The following BRCA2 variants were observed in gnomAD, a reference collection of about 807,000 sequenced individuals.
BRCA2 encodes BRCA2 DNA repair associated.
Under a neutral mutation model 276.7 loss-of-function variants are expected in BRCA2, and 203 were observed. The ratio of observed to expected loss-of-function variants is 0.73; its 90% CI spans 0.65 to 0.82. The LOEUF (loss-of-function observed/expected upper bound fraction) is 0.82. Ranked by LOEUF, BRCA2 falls within the 40% of genes least tolerant of loss-of-function variation. The probability of loss-of-function intolerance (pLI) is 0.00; values close to 1 mark genes in which losing one functional copy is unlikely to be tolerated. For synonymous variants in BRCA2, 1,289 were observed against 1,338.4 expected (o/e 0.96, Z 0.81); for missense variants, 3,920 against 3,915.0 (o/e 1.00, Z -0.03).
rs11571595 is a variant in BRCA2 at position 32,321,612 on chromosome 13, G to C, written c.316+2287G>C. ...CTGCAAAGGAGTTAACTTTTTGAAGGCTGTAATACATAAATCTGCTGACTA... is the reference window on the plus strand; with the variant it reads ...CTGCAAAGGAGTTAACTTTTTGAAGCCTGTAATACATAAATCTGCTGACTA... On this transcript the variant is annotated intron_variant, in intron 3 of 26. Coordinates refer to ENST00000380152, the MANE Select transcript of BRCA2 (RefSeq NM_000059.4). Among the ~76,000 whole-genome samples, 895 of 152,246 alleles carry C rather than the reference G, an allele frequency of 5.9e-3. 9 individuals carry two copies. The highest frequency in any genetic ancestry group is 0.021 in the African/African-American group (864 of 41,530).
At chr13:32,351,824 C>T (rs1167893279) in intron 13 of BRCA2, among the ~76,000 whole-genome samples, 3 of 151,636 alleles carry the variant, frequency 2.0e-5, no homozygotes, top group Non-Finnish European at 2.9e-5. Flanking sequence ...TATTTTGATA[C>T]AGAGTCTCAC....
rs769971508 is a variant in BRCA2, at chr13:32,337,196, G to T, written c.2841G>T (p.Leu947Phe). The change falls in exon 11 of 27, where the codon TTG becomes TTT. Residue 947 changes from leucine (L) to phenylalanine (F), a missense_variant. By Grantham distance (22) the Leu-to-Phe change is conservative. Transcript: ENST00000380152. Reference protein sequence around the residue: ...QATQVSIKKDLVYVLAEENKN... With the variant: ...QATQVSIKKDFVYVLAEENKN... The stretch of plus-strand genomic sequence containing the variant: ...CCCAAGTGTCAATTAAAAAAGATTT[G>T]GTTTATGTTCTTGCAGAGGAGAACA... 1 of 1,613,488 alleles carries T rather than the reference G, an allele frequency of 6.2e-7. No individual in the cohort carries two copies. Among genetic ancestry groups the T allele is most frequent in the African/African-American group, 1.3e-5 (1 of 74,892 alleles).
Position 32,325,172 on chromosome 13 carries a change from G to A in BRCA2, c.413G>A (p.Cys138Tyr), listed in dbSNP as rs397507324. The A allele has an allele frequency of 1.9e-6, 3 of 1,583,660 alleles. No homozygotes were observed. The highest frequency in any genetic ancestry group is 1.1e-5 in the South Asian group (1 of 90,342). Reference protein sequence around the residue: ...DDVSCPLLNSCLSESPVVLQC... With the variant: ...DDVSCPLLNSYLSESPVVLQC... ...GTTTCCTGTCCACTTCTAAATTCTT[G>A]TCTTAGTGAAAGGTATGATGAAGCT... The change falls in exon 4 of 27, where the codon TGT (cysteine) becomes TAT (tyrosine). Residue 138 changes from cysteine to tyrosine, a missense_variant. Physicochemically the swap from Cys to Tyr is radical, Grantham distance 194. Coordinates refer to ENST00000380152, the MANE Select transcript of BRCA2 (RefSeq NM_000059.4).
In BRCA2 at chr13:32,399,302, A is replaced by G. The variant is rs11571836; in HGVS notation, c.*532A>G. 39,604 of 196,350 alleles carry G rather than the reference A, an allele frequency of 0.2. 4,599 individuals are homozygous for G. The highest frequency in any genetic ancestry group is 0.43 in the East Asian group (5,330 of 12,326). 12.2% of individuals were successfully genotyped at this position (196,350 alleles called of 1,614,324 possible). ...TATTTTGATGCAGATAATTCCTTTT[A>G]GTTTAGCTACTATTTTAGGGGATTT... On this transcript the variant is annotated 3_prime_UTR_variant, in exon 27 of 27. Transcript: ENST00000380152.
chr13:32,368,258 G>A (rs1002025523), intron 18 of BRCA2, among the ~76,000 whole-genome samples: 1 of 151,806 alleles, frequency 6.6e-6, no homozygotes, highest in African/African-American at 2.4e-5. Context: ...CTGACCTCGT[G>A]ATCTGCCCGC....
At chr13:32,382,866 A>T (rs760435866) in intron 24 of BRCA2, among the ~76,000 whole-genome samples, 2 of 152,226 alleles carry the variant, frequency 1.3e-5, no homozygotes, top group Non-Finnish European at 2.9e-5. Flanking sequence ...ACTGTGTGGT[A>T]TGGTATCTAG....
At chr13:32,353,626 A>T (rs1345206837) in intron 13 of BRCA2, among the ~76,000 whole-genome samples, 1 of 152,186 alleles carries the variant, frequency 6.6e-6, no homozygotes, top group Non-Finnish European at 1.5e-5. Flanking sequence ...CCACTGAAAT[A>T]TACATGCAAA....
chr13:32,394,798 A>G lies in BRCA2; in HGVS notation c.9366A>G (p.Ala3122=), dbSNP rs1293330351. Residue 3122 remains alanine, a synonymous_variant, in exon 25 of 27, where the codon GCA becomes GCG. Coordinates refer to ENST00000380152, the MANE Select transcript of BRCA2 (RefSeq NM_000059.4). Reference sequence around the variant, plus strand: ...TTAAGCCTCATATGTTAATTGCTGCAAGCAACCTCCAGTGGCGACCAGAAT... The same window carrying G: ...TTAAGCCTCATATGTTAATTGCTGCGAGCAACCTCCAGTGGCGACCAGAAT... ...DIIKPHMLIA[A]SNLQWRPESK... The G allele has an allele frequency of 6.2e-7, 1 of 1,614,024 alleles. No homozygotes were observed. Among genetic ancestry groups the G allele is most frequent in the Non-Finnish European group, 8.5e-7 (1 of 1,180,004 alleles).
chr13:32,393,268 G>A (rs2073010084), intron 24 of BRCA2, among the ~76,000 whole-genome samples: 1 of 152,098 alleles, frequency 6.6e-6, no homozygotes, highest in South Asian at 2.1e-4. Context: ...GATTTTGTTT[G>A]CAACAATGAT....
chr13:32,353,109 C>G (rs1003667814), intron 13 of BRCA2, among the ~76,000 whole-genome samples: 1 of 152,182 alleles, frequency 6.6e-6, no homozygotes, highest in African/African-American at 2.4e-5. Context: ...ATTATCTTGT[C>G]TCTCTCCTGC....
At chr13:32,392,298 T>C (rs1286525030) in intron 24 of BRCA2, among the ~76,000 whole-genome samples, 1 of 152,250 alleles carries the variant, frequency 6.6e-6, no homozygotes, top group African/African-American at 2.4e-5. Context: ...AAATGCTTAG[T>C]GCCTCTTCCA....
intron 13 of BRCA2, 52 bp downstream of exon 13, chr13:32,346,948 C>T (rs1206080852): frequency 4.3e-6 from 6 of 1,381,186 alleles, no homozygotes; most frequent in East Asian, 2.3e-5. Context: ...AGAAAAGTCT[C>T]GTTTTTATAA....
intron 18 of BRCA2, 66 bp downstream of exon 18, chr13:32,363,599 T>C: frequency 7.4e-7 from 1 of 1,351,820 alleles, no homozygotes; most frequent in Non-Finnish European, 1.0e-6. Flanking sequence ...AAGTTTTACA[T>C]TTAAATTTTA....
chr13:32,346,944 G>A, intron 13 of BRCA2, 48 bp downstream of exon 13: 1 of 1,427,608 alleles, frequency 7.0e-7, no homozygotes, highest in Non-Finnish European at 9.7e-7. Flanking sequence ...TATGAGAAAA[G>A]TCTCGTTTTT....
chr13:32,389,431 C>CTT (rs1387930164), intron 24 of BRCA2, among the ~76,000 whole-genome samples: 1 of 152,160 alleles, frequency 6.6e-6, no homozygotes, highest in Non-Finnish European at 1.5e-5. Context: ...TTAATCTTCT[C>CTT]TTTTCTGTTT....
rs80358951 is a variant in BRCA2 at position 32,355,094 on chromosome 13, C to T, written c.7241C>T (p.Ser2414Leu). The change falls in exon 14 of 27, where the codon TCA becomes TTA. Residue 2414 changes from serine to leucine, a missense_variant. By Grantham distance (145) the Ser-to-Leu change is moderately radical. Around this residue, in one of 2 missense-constraint regions of BRCA2, gnomAD observed 3,263 missense variants for 3,156.9 expected, o/e 1.03. Transcript: ENST00000380152. ...TTTGTTCCACCTTTTAAAACTAAAT[C>T]ACATTTTCACAGAGTTGAACAGTGT... ...KVFVPPFKTK[S>L]HFHRVEQCVR... 2 of 1,613,624 alleles carry T rather than the reference C, an allele frequency of 1.2e-6. No individual in the cohort carries two copies. The highest frequency in any genetic ancestry group is 1.6e-4 in the Middle Eastern group (1 of 6,080).
At chr13:32,380,428 T>G (rs1336675201) in intron 24 of BRCA2, among the ~76,000 whole-genome samples, 1 of 152,168 alleles carries the variant, frequency 6.6e-6, no homozygotes, top group Non-Finnish European at 1.5e-5. Flanking sequence ...ATTTCTGGTG[T>G]ATGTGTTTAT....
intron 24 of BRCA2, among the ~76,000 whole-genome samples, chr13:32,386,711 TC>T (rs963229948): frequency 2.0e-5 from 3 of 152,062 alleles, no homozygotes; most frequent in African/African-American, 4.8e-5. Flanking sequence ...GATTAATTTC[TC>T]CCCCCCTTAG....
intron 2 of BRCA2, among the ~76,000 whole-genome samples, chr13:32,318,143 G>T (rs925183523): frequency 6.6e-6 from 1 of 152,166 alleles, no homozygotes; most frequent in African/African-American, 2.4e-5. Context: ...TTAGTTTGGT[G>T]CCACTGCCAT....
Sources: allele counts gnomAD v4.1 joint callset (sites outside exome capture counted in the v4.1 genomes callset), GRCh38; gene constraint gnomAD v4.1.1; regional missense constraint gnomAD v4.1.1; transcripts MANE v1.5; gene names NCBI Gene and HGNC (gene_info 2026-07-23, HGNC 2026-07-21).